Variants in PEAK1 observed in about 807,000 individuals in gnomAD.
The protein encoded by PEAK1 is pseudopodium enriched atypical kinase 1.
A neutral mutation model predicts 124.7 loss-of-function variants in PEAK1; 54 were observed. The observed-to-expected ratio is 0.43, with a 90% CI of 0.35 to 0.54. The LOEUF (loss-of-function observed/expected upper bound fraction) is 0.54, where lower values mean the gene tolerates loss of function less well. Ranked by LOEUF, PEAK1 falls within the 20% of genes least tolerant of loss-of-function variation. PEAK1 has a pLI of 0.01. For synonymous variants in PEAK1, 719 were observed against 760.0 expected (o/e 0.95, Z 0.89); for missense variants, 2,046 against 2,134.5 (o/e 0.96, Z 0.82).
chr15:77,388,122 A>G (rs1349722811), intron 1 of PEAK1, among the ~76,000 whole-genome samples: 2 of 152,124 alleles, frequency 1.3e-5, no homozygotes, highest in African/African-American at 4.8e-5. Context: ...TGAGCCCAAG[A>G]GGTAAAAGCT....
At chr15:77,418,301 A>C (rs2073055076) in intron 1 of PEAK1, 1 of 985,342 alleles carries the variant, frequency 1.0e-6, no homozygotes. Context: ...AGTGAGGGAA[A>C]AGAAGGAACA....
At chr15:77,152,624 T>A (rs901072214) in intron 8 of PEAK1, among the ~76,000 whole-genome samples, 3 of 152,110 alleles carry the variant, frequency 2.0e-5, no homozygotes, top group African/African-American at 7.2e-5. Flanking sequence ...TGGCTGTGGG[T>A]TTGTCATAGA....
chr15:77,153,339 C>A (rs2054829265), intron 8 of PEAK1, among the ~76,000 whole-genome samples: 1 of 152,042 alleles, frequency 6.6e-6, no homozygotes, highest in African/African-American at 2.4e-5. Flanking sequence ...GGTGATATCC[C>A]CTTTATCATT....
At chr15:77,122,627 C>T (rs2052016695) in intron 9 of PEAK1, among the ~76,000 whole-genome samples, 1 of 152,116 alleles carries the variant, frequency 6.6e-6, no homozygotes, top group Non-Finnish European at 1.5e-5. Flanking sequence ...CACAAACATC[C>T]AAAACCTCTC....
intron 6 of PEAK1, among the ~76,000 whole-genome samples, chr15:77,250,500 T>G (rs1206526137): frequency 6.6e-6 from 1 of 151,954 alleles, no homozygotes; most frequent in African/African-American, 2.4e-5. Flanking sequence ...TGGCGCAATC[T>G]CAGCTCACTG....
At chr15:77,419,898 C>A (rs2073241598) in intron 1 of PEAK1, 108 bp downstream of exon 1, 1 of 149,886 alleles carries the variant, frequency 6.7e-6, no homozygotes, top group African/African-American at 2.4e-5. Context: ...CGCCGCCCCG[C>A]CCGGATTCCC....
At chr15:77,279,698 GCTTT>G (rs768757579) in intron 5 of PEAK1, among the ~76,000 whole-genome samples, 1 of 152,144 alleles carries the variant, frequency 6.6e-6, no homozygotes, top group Non-Finnish European at 1.5e-5. Context: ...GTTTATAGTG[GCTTT>G]CTGATTTTTG....
chr15:77,410,785 C>T (rs1442180180), intron 1 of PEAK1, among the ~76,000 whole-genome samples: 1 of 152,182 alleles, frequency 6.6e-6, no homozygotes, highest in Non-Finnish European at 1.5e-5. Flanking sequence ...TGGATAATAG[C>T]TTTGTCGACT....
chr15:77,165,903 G>A (rs531689958), intron 7 of PEAK1, among the ~76,000 whole-genome samples: 5 of 152,300 alleles, frequency 3.3e-5, no homozygotes, highest in African/African-American at 1.2e-4. Flanking sequence ...GATCTGAATA[G>A]ATACCATGCA....
intron 2 of PEAK1, chr15:77,346,663 T>A: frequency 1.0e-6 from 1 of 984,484 alleles, no homozygotes; most frequent in South Asian, 4.7e-5. Context: ...TACAAAAATA[T>A]TAATTGCAAA....
chr15:77,201,490 G>A (rs747832470), intron 6 of PEAK1, among the ~76,000 whole-genome samples: 10 of 151,852 alleles, frequency 6.6e-5, no homozygotes, highest in Admixed American at 3.9e-4. Flanking sequence ...CTCCTGCCTC[G>A]GCCTCCCAAA....
chr15:77,141,965 G>T (rs1231858871), intron 8 of PEAK1, among the ~76,000 whole-genome samples: 1 of 152,022 alleles, frequency 6.6e-6, no homozygotes, highest in Non-Finnish European at 1.5e-5. Flanking sequence ...TAAAGTATAA[G>T]TAACAAAAGA....
intron 2 of PEAK1, among the ~76,000 whole-genome samples, chr15:77,311,685 C>CAAAAAAAAAAAAAAAAAAAA (rs11296386): frequency 3.5e-5 from 3 of 85,864 alleles, no homozygotes; most frequent in Non-Finnish European, 6.5e-5. Context: ...CCAACCCCCA[C>CAAAAAAAAAAAAAAAAAAAA]AAAAAAAAAA....
chr15:77,236,834 T>C lies in PEAK1; in HGVS notation c.-115+15533A>G, dbSNP rs578004690. On this transcript the variant is annotated intron_variant, in intron 6 of 9. Coordinates refer to ENST00000682557, the MANE Select transcript of PEAK1 (RefSeq NM_001385026.1). ...AGTTTCCCCCATGCTGTTCTAGTGA[T>C]AGTGAGTGAGGTCTCATGAGATCTG... is the stretch of plus-strand genomic sequence containing the variant. Among the ~76,000 whole-genome samples, 62 of 152,156 alleles carry C rather than the reference T, an allele frequency of 4.1e-4. 1 individual carries two copies. The highest frequency in any genetic ancestry group is 8.2e-4 in the Non-Finnish European group (56 of 68,028).
At chr15:77,229,218 A>G (rs2059802911) in intron 6 of PEAK1, among the ~76,000 whole-genome samples, 1 of 152,206 alleles carries the variant, frequency 6.6e-6, no homozygotes, top group Non-Finnish European at 1.5e-5. Context: ...TACATTTGAA[A>G]AAAACATGAG....
chr15:77,243,559 G>A (rs184840583), intron 6 of PEAK1, among the ~76,000 whole-genome samples: 136 of 152,306 alleles, frequency 8.9e-4, no homozygotes, highest in Non-Finnish European at 4.4e-4. Context: ...TTCCACCAAC[G>A]CTCTTGCTAT....
chr15:77,234,945 G>C (rs1446854330), intron 6 of PEAK1, among the ~76,000 whole-genome samples: 1 of 152,100 alleles, frequency 6.6e-6, no homozygotes, highest in Non-Finnish European at 1.5e-5. Flanking sequence ...TCTCATGATA[G>C]TGACTGAGTT....
chr15:77,381,464 TG>T (rs1249378106), intron 1 of PEAK1: 1 of 966,794 alleles, frequency 1.0e-6, no homozygotes, highest in Non-Finnish European at 1.2e-6. Context: ...AATAAGGCAA[TG>T]GCTCTAAGAA....
At chr15:77,406,780 G>C (rs1169917341) in intron 1 of PEAK1, among the ~76,000 whole-genome samples, 1 of 151,940 alleles carries the variant, frequency 6.6e-6, no homozygotes, top group Non-Finnish European at 1.5e-5. Context: ...TGATCCTAAA[G>C]TTCATATGGA....
Sources: gnomAD v4.1 joint callset for allele counts (sites outside exome capture counted in the v4.1 genomes callset) on GRCh38, gnomAD v4.1.1 for gene constraint, MANE v1.5 for transcripts, NCBI Gene and HGNC (gene_info 2026-07-23, HGNC 2026-07-21) for gene names.